TTC7A: variants seen among roughly 807,000 people sequenced by gnomAD.
TTC7A encodes the protein tetratricopeptide repeat protein 7A.
In TTC7A, 110 loss-of-function variants were observed where a neutral mutation model predicts 103.7. The observed-to-expected ratio is 1.06, with a 90% confidence interval of 0.91 to 1.24. TTC7A has a LOEUF of 1.24. Among genes scored for constraint, TTC7A ranks in the 50% most tolerant of loss-of-function variants. The pLI is 0.00. For missense variants in TTC7A, 1,340 were observed against 1,116.3 expected (o/e 1.20, Z -2.86); for synonymous variants, 521 against 467.9 (o/e 1.11, Z -1.47).
intron 13 of TTC7A, 76 bp downstream of exon 13, chr2:47,023,541 C>T: frequency 7.1e-7 from 1 of 1,412,950 alleles, no homozygotes; most frequent in South Asian, 1.2e-5. Flanking sequence ...GTCATCAGAC[C>T]CTCTGATGTG....
intron 8 of TTC7A, among the ~76,000 whole-genome samples, chr2:46,997,911 C>A (rs74886475): frequency 6.6e-6 from 1 of 152,112 alleles, no homozygotes; most frequent in Non-Finnish European, 1.5e-5. Flanking sequence ...CCCCCAAACC[C>A]TCCAAGTGGA....
chr2:47,014,689 A>G (rs1289646332), intron 11 of TTC7A, among the ~76,000 whole-genome samples: 1 of 152,214 alleles, frequency 6.6e-6, no homozygotes, highest in African/African-American at 2.4e-5. Context: ...CTGCCTTCGC[A>G]GTTATTCTGG....
At chr2:46,969,830 A>G (rs1673196893) in intron 3 of TTC7A, among the ~76,000 whole-genome samples, 1 of 152,220 alleles carries the variant, frequency 6.6e-6, no homozygotes, top group Non-Finnish European at 1.5e-5. Context: ...GGCCCTGGCC[A>G]TCACTGGGGT....
intron 19 of TTC7A, among the ~76,000 whole-genome samples, chr2:47,073,483 G>A (rs1684948333): frequency 6.6e-6 from 1 of 152,198 alleles, no homozygotes; most frequent in Admixed American, 6.5e-5. Context: ...CTCCTGCAGT[G>A]GGTTTCCCAG....
At chr2:47,027,744 G>A (rs570808664) in intron 14 of TTC7A, among the ~76,000 whole-genome samples, 1 of 152,290 alleles carries the variant, frequency 6.6e-6, no homozygotes, top group South Asian at 2.1e-4. Context: ...TGCCCAGCAG[G>A]GTGCAAGGGC....
chr2:47,072,026 C>T (rs1055528683), intron 19 of TTC7A, among the ~76,000 whole-genome samples: 6 of 152,152 alleles, frequency 3.9e-5, no homozygotes, highest in African/African-American at 7.2e-5. Context: ...TTGTGTCTGG[C>T]GGCCCGTCGG....
intron 10 of TTC7A, among the ~76,000 whole-genome samples, chr2:47,008,770 C>T (rs553709117): frequency 1.3e-5 from 2 of 152,262 alleles, no homozygotes; most frequent in Non-Finnish European, 2.9e-5. Context: ...CCCGAAAGGC[C>T]TTCCAGAAGG....
chr2:47,012,618 G>C (rs962047432), intron 11 of TTC7A, among the ~76,000 whole-genome samples: 2 of 152,202 alleles, frequency 1.3e-5, no homozygotes, highest in Non-Finnish European at 2.9e-5. Flanking sequence ...AACAAATCAT[G>C]GATTCTGGGG....
intron 2 of TTC7A, among the ~76,000 whole-genome samples, chr2:46,954,596 G>A (rs1244273597): frequency 7.4e-6 from 1 of 134,910 alleles, no homozygotes; most frequent in Non-Finnish European, 1.5e-5. Flanking sequence ...TGAGACAACG[G>A]AGTCTCGCTC....
chr2:46,950,419 A>G lies in TTC7A; in HGVS notation c.241A>G (p.Asn81Asp). ...CCTCCTGGAGCAGTGTTTGAAGGAG[A>G]ACCATGCCAAAATAAAAGACTCCAT... ...EALLEQCLKE[N>D]HAKIKDSMPL... Residue 81 changes from asparagine (N) to aspartate (D), a missense_variant, in exon 2 of 20, where the codon AAC (asparagine) becomes GAC (aspartate). Coordinates refer to ENST00000319190, the MANE Select transcript of TTC7A (RefSeq NM_020458.4). The G allele has an allele frequency of 6.2e-7, 1 of 1,614,144 alleles. No individual in the cohort carries two copies. Among genetic ancestry groups the G allele is most frequent in the Non-Finnish European group, 8.5e-7 (1 of 1,180,048 alleles).
At chr2:46,982,306 G>A (rs745930054) in intron 5 of TTC7A, among the ~76,000 whole-genome samples, 2 of 152,130 alleles carry the variant, frequency 1.3e-5, no homozygotes, top group African/African-American at 2.4e-5. Context: ...CCTGGCAGGC[G>A]GAGGTTTCTG....
chr2:47,005,736 TTC>T (rs1456198189), intron 8 of TTC7A, among the ~76,000 whole-genome samples, 184 bp from the exon 9 acceptor site: 1 of 152,182 alleles, frequency 6.6e-6, no homozygotes, highest in Non-Finnish European at 1.5e-5. Context: ...GTGAAGGATT[TTC>T]TCTCTTGGAG....
intron 2 of TTC7A, among the ~76,000 whole-genome samples, chr2:46,921,787 G>T (rs1669116670): frequency 6.6e-6 from 1 of 152,138 alleles, no homozygotes; most frequent in African/African-American, 2.4e-5. Context: ...TTCTCATAAG[G>T]AGTGTGCAAC....
At position 46,956,821 on chromosome 2, in the gene TTC7A, A is replaced by G. The variant is rs764853787; in HGVS notation, c.349-18A>G. On this transcript the variant is annotated intron_variant, in intron 2 of 19. Transcript: ENST00000319190. ...TAACTTTGGGGCAGGCGCTGGTAAC[A>G]TGTCCTTGTCATTTCAGCCACAGTA... The G allele has an allele frequency of 1.2e-6, 2 of 1,613,662 alleles. No homozygotes were observed. Among genetic ancestry groups the G allele is most frequent in the African/African-American group, 1.3e-5 (1 of 75,034 alleles).
At chr2:47,003,211 C>T (rs1042626753) in intron 8 of TTC7A, among the ~76,000 whole-genome samples, 3 of 152,110 alleles carry the variant, frequency 2.0e-5, no homozygotes, top group Non-Finnish European at 4.4e-5. Context: ...AAGTTCTGTG[C>T]GTGAGGCTGT....
At chr2:46,987,021 C>A (rs1243615799) in intron 5 of TTC7A, among the ~76,000 whole-genome samples, 1 of 152,226 alleles carries the variant, frequency 6.6e-6, no homozygotes, top group Non-Finnish European at 1.5e-5. Context: ...CTGATTCCCC[C>A]AGATGGCTCT....
chr2:46,994,925 C>G lies in TTC7A; in HGVS notation c.1002-211C>G, dbSNP rs1027282602. Among the ~76,000 whole-genome samples, 3 of 152,132 alleles carry G rather than the reference C, an allele frequency of 2.0e-5. No homozygotes were observed. In the South Asian group the frequency reaches 6.2e-4, roughly 32 times the overall value. On this transcript the variant is annotated intron_variant, in intron 7 of 19. Transcript: ENST00000319190. ...GGAATGTTTCCTCCCTGGGAGAATCCGTACTATTCCAGCCCAGCAGCCACC... is the reference window on the plus strand; with the variant it reads ...GGAATGTTTCCTCCCTGGGAGAATCGGTACTATTCCAGCCCAGCAGCCACC...
At chr2:46,945,799 G>C (rs1670887343) in intron 1 of TTC7A, among the ~76,000 whole-genome samples, 1 of 152,116 alleles carries the variant, frequency 6.6e-6, no homozygotes, top group South Asian at 2.1e-4. Flanking sequence ...AGTTAGAAGG[G>C]GTTTGTTTGA....
At chr2:47,032,659 C>T (rs1225960827) in intron 15 of TTC7A, among the ~76,000 whole-genome samples, 1 of 151,752 alleles carries the variant, frequency 6.6e-6, no homozygotes, top group African/African-American at 2.4e-5. Context: ...CCTTAGTCTG[C>T]TTGTCCAGGG....
Sources: gnomAD v4.1 joint callset for allele counts (sites outside exome capture counted in the v4.1 genomes callset) on GRCh38, gnomAD v4.1.1 for gene constraint, MANE v1.5 for transcripts, NCBI Gene and HGNC (gene_info 2026-07-23, HGNC 2026-07-21) for gene names.